CUL3: variants seen among roughly 807,000 people sequenced by gnomAD.
CUL3 encodes the protein cullin-3.
Under a neutral mutation model 89.1 loss-of-function variants are expected in CUL3, and 19 were observed. The observed-to-expected ratio is 0.21, with a 90% CI of 0.15 to 0.31. The LOEUF is 0.31. Among genes scored for constraint, CUL3 ranks in the 10% least tolerant of loss-of-function variants. The pLI is 1.00. For missense variants in CUL3, 469 were observed against 942.3 expected (o/e 0.50, Z 6.58); for synonymous variants, 351 against 308.4 (o/e 1.14, Z -1.45).
At chr2:224,534,830 T>TAAAATA (rs1245445086) in intron 3 of CUL3, among the ~76,000 whole-genome samples, 5 of 150,280 alleles carry the variant, frequency 3.3e-5, no homozygotes, top group African/African-American at 9.8e-5. Flanking sequence ...AAAAGAAAAA[T>TAAAATA]AAAATAAAAA....
intron 6 of CUL3, among the ~76,000 whole-genome samples, chr2:224,508,960 T>TA (rs1574641159): frequency 6.6e-5 from 1 of 15,126 alleles, no homozygotes; most frequent in African/African-American, 6.3e-4. Context: ...AGACTTCGTC[T>TA]CAAAAAAAAA....
chr2:224,563,816 G>A (rs545939094), intron 1 of CUL3, among the ~76,000 whole-genome samples: 2 of 152,244 alleles, frequency 1.3e-5, no homozygotes, highest in African/African-American at 4.8e-5. Flanking sequence ...CAATGCTTAT[G>A]TCCAGGCAAT....
chr2:224,580,368 C>A (rs2106327414), intron 1 of CUL3, among the ~76,000 whole-genome samples: 1 of 152,296 alleles, frequency 6.6e-6, no homozygotes, highest in East Asian at 1.9e-4. Flanking sequence ...CTTCTACAGA[C>A]AATGATGAAG....
intron 15 of CUL3, 162 bp from the exon 16 acceptor site, chr2:224,474,538 A>G (rs1691247379): frequency 5.0e-6 from 3 of 599,750 alleles, no homozygotes; most frequent in Non-Finnish European, 5.7e-6. Context: ...TGAAAATGTA[A>G]TATTATGGTT....
intron 1 of CUL3, among the ~76,000 whole-genome samples, chr2:224,579,995 G>A (rs1350471561): frequency 6.6e-6 from 1 of 152,168 alleles, no homozygotes; most frequent in Admixed American, 6.5e-5. Context: ...AGGTTCACCT[G>A]AAAGCAACTA....
intron 1 of CUL3, chr2:224,569,549 T>C (rs1451774408): frequency 3.9e-6 from 1 of 259,000 alleles, no homozygotes; most frequent in South Asian, 1.4e-4. Flanking sequence ...CAGAAAAGTA[T>C]CAATAACAAA....
At chr2:224,566,102 A>T (rs1695034851) in intron 1 of CUL3, among the ~76,000 whole-genome samples, 1 of 152,160 alleles carries the variant, frequency 6.6e-6, no homozygotes, top group Admixed American at 6.5e-5. Context: ...AATTAAAAAC[A>T]CTTTAAGGTC....
chr2:224,570,602 T>C (rs1695161071), intron 1 of CUL3, among the ~76,000 whole-genome samples: 1 of 151,964 alleles, frequency 6.6e-6, no homozygotes, highest in Admixed American at 6.6e-5. Context: ...GGAGAACAGA[T>C]GGGAGTGGGG....
chr2:224,582,234 T>G (rs1695459033), intron 1 of CUL3, among the ~76,000 whole-genome samples: 1 of 152,230 alleles, frequency 6.6e-6, no homozygotes, highest in Non-Finnish European at 1.5e-5. Context: ...CCCAAAGTGC[T>G]GGGATCACAG....
At chr2:224,575,082 A>C (rs531281294) in intron 1 of CUL3, among the ~76,000 whole-genome samples, 1 of 152,358 alleles carries the variant, frequency 6.6e-6, no homozygotes, top group East Asian at 1.9e-4. Flanking sequence ...GAATGAATAA[A>C]GATGCAGATT....
chr2:224,504,114 T>C (rs1692499112), intron 8 of CUL3: 1 of 217,828 alleles, frequency 4.6e-6, no homozygotes, highest in Non-Finnish European at 9.0e-6. Context: ...AAGGGATGAT[T>C]GAGAACAGAT....
In CUL3 at chr2:224,541,837, G is replaced by GA. The variant is rs145302208; in HGVS notation, c.265-6197dup. ...ATAATTCCAATTATATGACATTCTT[G>GA]AAAAAAAAAATCCAAAACTATAGTG... On this transcript the variant is annotated intron_variant, in intron 2 of 15. Coordinates refer to ENST00000264414, the MANE Select transcript of CUL3 (RefSeq NM_003590.5). Among the ~76,000 whole-genome samples, 731 of 149,268 alleles carry GA rather than the reference G, an allele frequency of 4.9e-3. 6 individuals carry two copies. Among genetic ancestry groups the GA allele is most frequent in the African/African-American group, 0.017 (675 of 40,816 alleles).
chr2:224,522,629 C>T (rs1693309177), intron 3 of CUL3, among the ~76,000 whole-genome samples: 1 of 152,094 alleles, frequency 6.6e-6, no homozygotes, highest in Non-Finnish European at 1.5e-5. Flanking sequence ...AGATCGAGAC[C>T]ATCCTGGCTA....
chr2:224,514,618 A>G lies in CUL3; in HGVS notation c.533T>C (p.Val178Ala). ...MIARERKGEVVDRGAIRNACQ... is the reference protein window; with the variant it reads ...MIARERKGEVADRGAIRNACQ... ...GTAAAGAGAGAAATTTTACCTGTCT[A>G]CGACTTCTCCTTTCCGCTCTCTTGC... is the stretch of plus-strand genomic sequence containing the variant. The change falls in exon 4 of 16, where the codon GTA becomes GCA. Residue 178 changes from valine (V) to alanine (A), a missense_variant. Val to Ala is a moderately conservative substitution (Grantham distance 64, BLOSUM62 0). This residue lies in a region of CUL3 where 370 missense variants were observed against 733.2 expected (regional missense o/e 0.50). Coordinates refer to ENST00000264414, the MANE Select transcript of CUL3 (RefSeq NM_003590.5). The G allele has an allele frequency of 6.2e-7, 1 of 1,611,340 alleles. No homozygotes were observed. Among genetic ancestry groups the G allele is most frequent in the South Asian group, 1.1e-5 (1 of 90,660 alleles).
At position 224,495,886 on chromosome 2, in the gene CUL3, A is replaced by G; in HGVS notation, c.1788T>C (p.Thr596=). 2.5e-6 allele frequency: 4 copies of G among 1,613,524 alleles called. No individual in the cohort carries two copies. The highest frequency in any genetic ancestry group is 3.4e-6 in the Non-Finnish European group (4 of 1,179,438). Residue 596 remains threonine (T), a synonymous_variant, in exon 13 of 16, where the codon ACT becomes ACC. Coordinates refer to ENST00000264414, the MANE Select transcript of CUL3 (RefSeq NM_003590.5). The stretch of plus-strand genomic sequence containing the variant: ...AGAGCATTAATATGGTCATCTGGAA[A>G]GTGGAAACTTGCAATATGTGCTTCC... The part of the protein sequence containing the change: ...NTRKHILQVS[T]FQMTILMLFN...
intron 2 of CUL3, among the ~76,000 whole-genome samples, chr2:224,550,463 A>G (rs1013991259): frequency 5.3e-5 from 8 of 152,142 alleles, no homozygotes; most frequent in African/African-American, 1.2e-4. Context: ...TGTACCATCT[A>G]TATGTTCACA....
intron 7 of CUL3, among the ~76,000 whole-genome samples, 175 bp from the exon 8 acceptor site, chr2:224,506,307 C>T (rs1190762289): frequency 5.3e-5 from 8 of 151,976 alleles, no homozygotes. Context: ...TTAAAAATGT[C>T]AATGAGAGAA....
chr2:224,568,397 GCATTTTTCTT>G (rs1368103040), intron 1 of CUL3, among the ~76,000 whole-genome samples: 1 of 152,176 alleles, frequency 6.6e-6, no homozygotes, highest in Non-Finnish European at 1.5e-5. Flanking sequence ...AAGAGATTAT[GCATTTTTCTT>G]CAATGCCACA....
intron 13 of CUL3, among the ~76,000 whole-genome samples, chr2:224,490,492 C>T (rs966045260): frequency 4.0e-5 from 6 of 151,696 alleles, no homozygotes; most frequent in Non-Finnish European, 7.4e-5. Context: ...TACCGGTTTC[C>T]GCGTCTTGGT....
Sources: gnomAD v4.1 joint callset for allele counts (sites outside exome capture counted in the v4.1 genomes callset) on GRCh38, gnomAD v4.1.1 for gene constraint, gnomAD v4.1.1 regional missense constraint, MANE v1.5 for transcripts, NCBI Gene and HGNC (gene_info 2026-07-23, HGNC 2026-07-21) for gene names.